The following CLIC6 variants were observed in gnomAD, a reference collection of about 807,000 sequenced individuals.
The protein encoded by CLIC6 is chloride intracellular channel protein 6.
In CLIC6, 39 loss-of-function variants were observed where a neutral mutation model predicts 49.2. The ratio of observed to expected loss-of-function variants is 0.79; its 90% CI spans 0.61 to 1.04. The LOEUF is 1.04. CLIC6 is among the 50% of genes least tolerant of loss of function. The pLI, the probability that CLIC6 is intolerant of heterozygous loss-of-function variation, is 0.00. For missense variants in CLIC6, 988 were observed against 993.1 expected (o/e 0.99, Z 0.07); for synonymous variants, 446 against 433.4 (o/e 1.03, Z -0.36).
At chr21:34,681,042 T>A (rs781726026) in intron 1 of CLIC6, among the ~76,000 whole-genome samples, 31 of 152,242 alleles carry the variant, frequency 2.0e-4, no homozygotes, top group Non-Finnish European at 3.7e-4. Context: ...ACCAATTTAC[T>A]GTGTTAGTCC....
At position 34,699,919 on chromosome 21, in the gene CLIC6, A is replaced by G. The variant is rs192561209; in HGVS notation, c.1375-7361A>G. Among the ~76,000 whole-genome samples the G allele has an allele frequency of 2.0e-3, 310 of 152,224 alleles. 3 individuals carry two copies. Among genetic ancestry groups the G allele is most frequent in the Admixed American group, 9.8e-4 (15 of 15,290 alleles). ...TGGTGTTTGATTTAAATAGAGCCCA[A>G]AGATTGGTAGGACTGGGCATGATGT... On this transcript the variant is annotated intron_variant, in intron 1 of 5. Transcript: ENST00000349499.
intron 1 of CLIC6, among the ~76,000 whole-genome samples, chr21:34,693,092 A>G (rs764130560): frequency 3.3e-5 from 5 of 152,208 alleles, no homozygotes; most frequent in Non-Finnish European, 7.3e-5. Flanking sequence ...CCTCAAATCA[A>G]GATGCATTTT....
chr21:34,698,684 A>G (rs915196739), intron 1 of CLIC6, among the ~76,000 whole-genome samples: 1 of 152,210 alleles, frequency 6.6e-6, no homozygotes, highest in African/African-American at 2.4e-5. Context: ...TTATGCTTTC[A>G]TTGTACATGA....
At chr21:34,697,752 G>C (rs1282830397) in intron 1 of CLIC6, among the ~76,000 whole-genome samples, 1 of 152,212 alleles carries the variant, frequency 6.6e-6, no homozygotes, top group Non-Finnish European at 1.5e-5. Context: ...GTCATTTTGG[G>C]TGGGTGGAGA....
chr21:34,708,674 G>C lies in CLIC6; in HGVS notation c.1611-26G>C, dbSNP rs755257343. ...CTTCACTAAAACATCACTTGTCTGT[G>C]ATCCTCCAATTTTGAACTTTTCAAG... On this transcript the variant is annotated intron_variant, in intron 3 of 5. Coordinates refer to ENST00000349499, the MANE Select transcript of CLIC6 (RefSeq NM_053277.3). 3.6e-5 allele frequency: 53 copies of C among 1,488,578 alleles called. No individual in the cohort carries two copies. The Middle Eastern group carries it at 1.4e-3, about 38-fold the overall frequency. 92.2% of individuals were successfully genotyped at this position (1,488,578 alleles called of 1,614,324 possible).
intron 5 of CLIC6, among the ~76,000 whole-genome samples, chr21:34,715,227 C>T (rs2056079444): frequency 6.6e-6 from 1 of 152,198 alleles, no homozygotes; most frequent in Non-Finnish European, 1.5e-5. Context: ...TTGTGCCCTC[C>T]TCCCAATTCC....
chr21:34,696,333 T>C (rs1990087054), intron 1 of CLIC6, among the ~76,000 whole-genome samples: 1 of 152,322 alleles, frequency 6.6e-6, no homozygotes, highest in African/African-American at 2.4e-5. Context: ...CTTTGCACTT[T>C]CCACCTGCTT....
At chr21:34,709,094 C>T (rs143260876) in intron 4 of CLIC6, among the ~76,000 whole-genome samples, 277 of 152,362 alleles carry the variant, frequency 1.8e-3, no homozygotes, top group Non-Finnish European at 2.9e-3. Flanking sequence ...TGCCAGTCCA[C>T]GTCTCCCCAC....
chr21:34,715,602 C>T (rs1048177452), intron 5 of CLIC6, among the ~76,000 whole-genome samples: 13 of 152,168 alleles, frequency 8.5e-5, no homozygotes, highest in African/African-American at 4.8e-5. Flanking sequence ...ATTATGGCAA[C>T]CCTAGCAAAC....
chr21:34,701,129 C>T (rs1412624703), intron 1 of CLIC6, among the ~76,000 whole-genome samples: 2 of 143,106 alleles, frequency 1.4e-5, no homozygotes, highest in Admixed American at 6.8e-5. Context: ...GGTGAAACCC[C>T]GTCTCTACTA....
intron 1 of CLIC6, among the ~76,000 whole-genome samples, chr21:34,692,755 A>C (rs1053181390): frequency 8.5e-5 from 13 of 152,210 alleles, no homozygotes; most frequent in African/African-American, 3.1e-4. Flanking sequence ...TTTAAAACTT[A>C]AAAACATTAT....
Position 34,709,510 on chromosome 21 carries a change from A to T in CLIC6, c.1871A>T (p.Asn624Ile). Residue 624 changes from asparagine (N) to isoleucine (I), a missense_variant, in exon 5 of 6, where the codon AAC (asparagine) becomes ATC (isoleucine). By Grantham distance (149) the Asn-to-Ile change is moderately radical. Transcript: ENST00000349499. Reference protein sequence around the residue: ...DGDELTLADCNLLPKLHIIKI... With the variant: ...DGDELTLADCILLPKLHIIKI... The stretch of plus-strand genomic sequence containing the variant: ...GACGAGCTGACGCTGGCTGACTGCA[A>T]CCTCTTACCCAAGCTCCATATTATT... 1 of 1,613,910 alleles carries T rather than the reference A, an allele frequency of 6.2e-7. No homozygotes were observed. Among genetic ancestry groups the T allele is most frequent in the South Asian group, 1.1e-5 (1 of 91,074 alleles).
In CLIC6 at chr21:34,669,764, C is replaced by G; in HGVS notation, c.376C>G (p.Gln126Glu). 1 of 1,411,378 alleles carries G rather than the reference C, an allele frequency of 7.1e-7. No homozygotes were observed. The highest frequency in any genetic ancestry group is 3.0e-5 in the East Asian group (1 of 33,712). 87.4% of individuals were successfully genotyped at this position (1,411,378 alleles called of 1,614,324 possible). ...GAQGEPRGEA[Q>E]REPEDSAAPE... ...GCAGGGCGAGCCCCGCGGGGAGGCT[C>G]AGAGGGAGCCCGAGGACTCTGCGGC... Residue 126 changes from glutamine (Q) to glutamate (E), a missense_variant, in exon 1 of 6, where the codon CAG becomes GAG. This residue lies in a region of CLIC6 where 284 missense variants were observed against 278.6 expected (regional missense o/e 1.02). Transcript: ENST00000349499.
At position 34,669,538 on chromosome 21, in the gene CLIC6, G is replaced by A. The variant is rs529746782; in HGVS notation, c.150G>A (p.Ala50=). ...GPEGSEGAEE[A]PRGAAAVKEA... Reference sequence around the variant, plus strand: ...AGGGGAGCGAGGGCGCAGAGGAGGCGCCGAGGGGCGCCGCCGCTGTGAAGG... The same window carrying A: ...AGGGGAGCGAGGGCGCAGAGGAGGCACCGAGGGGCGCCGCCGCTGTGAAGG... Residue 50 remains alanine, a synonymous_variant, in exon 1 of 6, where the codon GCG becomes GCA. Coordinates refer to ENST00000349499, the MANE Select transcript of CLIC6 (RefSeq NM_053277.3). 38 of 1,244,808 alleles carry A rather than the reference G, an allele frequency of 3.1e-5. No homozygotes were observed. In the Admixed American group the frequency reaches 1.3e-3, roughly 43 times the overall value. 77.1% of individuals were successfully genotyped at this position (1,244,808 alleles called of 1,614,324 possible).
At chr21:34,711,314 T>C (rs1219371603) in intron 5 of CLIC6, among the ~76,000 whole-genome samples, 1 of 152,108 alleles carries the variant, frequency 6.6e-6, no homozygotes, top group Non-Finnish European at 1.5e-5. Context: ...GGCAGATCAC[T>C]TGAGGCCAGG....
intron 5 of CLIC6, among the ~76,000 whole-genome samples, chr21:34,715,178 A>G (rs1287473174): frequency 6.6e-6 from 1 of 152,194 alleles, no homozygotes; most frequent in African/African-American, 2.4e-5. Context: ...GCAAAGCCCA[A>G]CTGGCCTTTA....
At chr21:34,679,043 G>C (rs1051350210) in intron 1 of CLIC6, among the ~76,000 whole-genome samples, 3 of 152,104 alleles carry the variant, frequency 2.0e-5, no homozygotes, top group African/African-American at 7.2e-5. Context: ...AGTTTTCCAG[G>C]GTCAGGAATT....
intron 1 of CLIC6, among the ~76,000 whole-genome samples, chr21:34,690,398 T>C (rs1444285336): frequency 6.6e-6 from 1 of 152,240 alleles, no homozygotes; most frequent in Non-Finnish European, 1.5e-5. Flanking sequence ...AGAATATATT[T>C]TATCGCCTCC....
Position 34,670,727 on chromosome 21 carries a change from C to CT in CLIC6, c.1340dup (p.Gln449AlafsTer14). On this transcript the variant is annotated frameshift_variant, in exon 1 of 6. Transcript: ENST00000349499. LOFTEE classifies it high-confidence loss of function. ...CGGAGAGGCGTCCGAGCCCCGGGCC[C>CT]TGGGGCAGGAGCACGACATCACCCT... 6.2e-7 allele frequency: 1 copy of CT among 1,600,090 alleles called. No individual in the cohort carries two copies.
Sources: allele counts gnomAD v4.1 joint callset (sites outside exome capture counted in the v4.1 genomes callset), GRCh38; gene constraint gnomAD v4.1.1; regional missense constraint gnomAD v4.1.1; transcripts MANE v1.5; gene names NCBI Gene and HGNC (gene_info 2026-07-23, HGNC 2026-07-21).